The following RBM19 variants were observed in gnomAD, a reference collection of about 807,000 sequenced individuals.
The protein encoded by RBM19 is RNA binding motif protein 19.
In RBM19, 94 loss-of-function variants were observed where a neutral mutation model predicts 116.8. That is an observed-to-expected ratio of 0.80 (90% CI 0.68 to 0.95). The LOEUF (loss-of-function observed/expected upper bound fraction) is 0.95, where lower values mean the gene tolerates loss of function less well. Among genes scored for constraint, RBM19 ranks in the 40% least tolerant of loss-of-function variants. The pLI is 0.00. For synonymous variants in RBM19, 475 were observed against 494.1 expected, an observed-to-expected ratio of 0.96 and a Z score of 0.51; for missense variants, 1,161 against 1,220.7, an observed-to-expected ratio of 0.95 and a Z score of 0.73.
intron 23 of RBM19, among the ~76,000 whole-genome samples, chr12:113,833,700 C>A (rs987345932): frequency 6.6e-6 from 1 of 152,224 alleles, no homozygotes; most frequent in African/African-American, 2.4e-5. Flanking sequence ...CGCTCCTTCC[C>A]CTCTCTGGTG....
In RBM19 at chr12:113,942,367, C is replaced by T. The variant is rs764907171; in HGVS notation, c.1694G>A (p.Arg565His). The T allele has an allele frequency of 7.8e-5, 126 of 1,609,040 alleles. No individual in the cohort carries two copies. Among genetic ancestry groups the T allele is most frequent in the Non-Finnish European group, 9.7e-5 (115 of 1,179,936 alleles). ...GCTGACCCCGTTGTCTATGAGAAAACGCCGCACTTCCTGGACGAGCTGGGT... is the reference window on the plus strand; with the variant it reads ...GCTGACCCCGTTGTCTATGAGAAAATGCCGCACTTCCTGGACGAGCTGGGT... Reference protein sequence around the residue: ...GETQLVQEVRRFLIDNGVSLD... With the variant: ...GETQLVQEVRHFLIDNGVSLD... Residue 565 changes from arginine (R) to histidine (H), a missense_variant, in exon 14 of 24, where the codon CGT (arginine) becomes CAT (histidine). Coordinates refer to ENST00000261741, the MANE Select transcript of RBM19 (RefSeq NM_016196.4).
At chr12:113,917,011 T>C (rs779774186) in intron 20 of RBM19, among the ~76,000 whole-genome samples, 14 of 152,356 alleles carry the variant, frequency 9.2e-5, no homozygotes, top group Middle Eastern at 3.4e-3. Context: ...TGTGTGGCAA[T>C]TGACTACCAT....
At chr12:113,869,345 A>G (rs1879055672) in intron 21 of RBM19, among the ~76,000 whole-genome samples, 1 of 152,186 alleles carries the variant, frequency 6.6e-6, no homozygotes, top group Non-Finnish European at 1.5e-5. Context: ...TCTCAGCCAG[A>G]CCCAGGCACC....
At chr12:113,901,065 G>C (rs559838271) in intron 21 of RBM19, among the ~76,000 whole-genome samples, 7 of 152,258 alleles carry the variant, frequency 4.6e-5, no homozygotes, top group Admixed American at 2.0e-4. Context: ...GGTCTAGAAA[G>C]ATCCCCAAAC....
intron 22 of RBM19, among the ~76,000 whole-genome samples, chr12:113,856,055 A>G (rs1419716455): frequency 4.6e-5 from 7 of 152,194 alleles, no homozygotes; most frequent in Admixed American, 4.6e-4. Context: ...CACAAGCCCC[A>G]GTGTGGGAGA....
chr12:113,886,476 T>C (rs1880525343), intron 21 of RBM19, among the ~76,000 whole-genome samples: 3 of 152,216 alleles, frequency 2.0e-5, no homozygotes, highest in South Asian at 2.1e-4. Flanking sequence ...CCCGTTAAGA[T>C]AGATGCAGAC....
chr12:113,954,927 C>G (rs10850254), intron 7 of RBM19, among the ~76,000 whole-genome samples: 11,423 of 152,158 alleles, frequency 0.075, 457 homozygotes, highest in Middle Eastern at 0.18. Flanking sequence ...AAACCAGAAC[C>G]TCCTTTGTCT....
chr12:113,961,682 C>T (rs77600130), intron 2 of RBM19, among the ~76,000 whole-genome samples: 6,485 of 152,308 alleles, frequency 0.043, 340 homozygotes, highest in Admixed American at 0.16. Flanking sequence ...GCCCACTCCT[C>T]CAGGAAGCTT....
intron 21 of RBM19, among the ~76,000 whole-genome samples, chr12:113,865,344 C>T (rs571542611): frequency 6.6e-6 from 1 of 152,320 alleles, no homozygotes; most frequent in South Asian, 2.1e-4. Flanking sequence ...CTCAAAGAGG[C>T]CTTCTGTGAC....
chr12:113,899,665 T>C (rs1881555490), intron 21 of RBM19, among the ~76,000 whole-genome samples: 4 of 152,184 alleles, frequency 2.6e-5, no homozygotes, highest in Admixed American at 6.5e-5. Context: ...TTAGTAAATA[T>C]TTGCTAAACC....
At chr12:113,863,948 G>A (rs1383186142) in intron 21 of RBM19, among the ~76,000 whole-genome samples, 3 of 152,086 alleles carry the variant, frequency 2.0e-5, no homozygotes, top group East Asian at 1.9e-4. Flanking sequence ...CAGCGCTTAC[G>A]TGCCCTGCAG....
intron 21 of RBM19, among the ~76,000 whole-genome samples, chr12:113,859,827 C>T (rs905362634): frequency 2.0e-5 from 3 of 150,884 alleles, no homozygotes; most frequent in African/African-American, 4.9e-5. Flanking sequence ...AATCTACACA[C>T]ACTTGCGGCT....
intron 19 of RBM19, 61 bp downstream of exon 19, chr12:113,920,550 C>A: frequency 3.5e-6 from 5 of 1,436,142 alleles, no homozygotes; most frequent in Non-Finnish European, 4.9e-6. Context: ...AGAGGGCTGA[C>A]GGGACCTCCC....
At chr12:113,934,470 T>A (rs1008843951) in intron 16 of RBM19, among the ~76,000 whole-genome samples, 1 of 152,230 alleles carries the variant, frequency 6.6e-6, no homozygotes, top group African/African-American at 2.4e-5. Flanking sequence ...ATGCCTAGCA[T>A]GGCATAACTG....
At chr12:113,899,842 A>G (rs1490801076) in intron 21 of RBM19, among the ~76,000 whole-genome samples, 1 of 152,116 alleles carries the variant, frequency 6.6e-6, no homozygotes, top group Admixed American at 6.5e-5. Flanking sequence ...CATGGCGCGC[A>G]ATTATCAGCT....
rs768377885 is a variant in RBM19, at chr12:113,927,009, T to C, written c.2244+45A>G. 1.3e-5 allele frequency: 20 copies of C among 1,545,694 alleles called. No individual in the cohort carries two copies. In the South Asian group the frequency reaches 2.2e-4, roughly 17 times the overall value. On this transcript the variant is annotated intron_variant, in intron 17 of 23. Transcript: ENST00000261741. Reference sequence around the variant, plus strand: ...CAGTGGCCGTATCAGTAGACTGGGGTTTCCCATCCCACGCCCCTCCCTCCT... The same window carrying C: ...CAGTGGCCGTATCAGTAGACTGGGGCTTCCCATCCCACGCCCCTCCCTCCT...
At chr12:113,864,912 T>C (rs959506023) in intron 21 of RBM19, among the ~76,000 whole-genome samples, 8 of 152,136 alleles carry the variant, frequency 5.3e-5, no homozygotes, top group Admixed American at 5.2e-4. Flanking sequence ...TGGGTTTCAA[T>C]GGCTACTACT....
intron 20 of RBM19, among the ~76,000 whole-genome samples, chr12:113,918,186 A>C (rs1882890601): frequency 6.6e-6 from 1 of 152,188 alleles, no homozygotes; most frequent in Non-Finnish European, 1.5e-5. Context: ...CCAAAGGACT[A>C]ACACTGTTGT....
chr12:113,854,209 A>G (rs968417736), intron 22 of RBM19, among the ~76,000 whole-genome samples: 1 of 152,140 alleles, frequency 6.6e-6, no homozygotes, highest in Non-Finnish European at 1.5e-5. Context: ...CTAGAGTCCC[A>G]TGAGGATTAA....
Sources: allele counts gnomAD v4.1 joint callset (sites outside exome capture counted in the v4.1 genomes callset), GRCh38; gene constraint gnomAD v4.1.1; transcripts MANE v1.5; gene names NCBI Gene and HGNC (gene_info 2026-07-23, HGNC 2026-07-21).